LIMCH1: variants seen among roughly 807,000 people sequenced by gnomAD.
LIMCH1 encodes the protein LIM and calponin homology domains-containing protein 1.
LIMCH1 carries 113 observed loss-of-function variants against 176.5 expected under a neutral mutation model. The observed-to-expected ratio is 0.64, with a 90% CI of 0.55 to 0.75. LIMCH1 has a LOEUF of 0.75. Ranked by LOEUF, LIMCH1 falls within the 30% of genes least tolerant of loss-of-function variation. The pLI, the probability that LIMCH1 is intolerant of heterozygous loss-of-function variation, is 0.00. For missense variants in LIMCH1, 1,674 were observed against 1,814.9 expected (o/e 0.92, Z 1.41); for synonymous variants, 619 against 645.9 (o/e 0.96, Z 0.63).
Position 41,644,503 on chromosome 4 carries a change from C to T in LIMCH1, c.2130C>T (p.Ser710=). 1 of 1,562,098 alleles carries T rather than the reference C, an allele frequency of 6.4e-7. No homozygotes were observed. The highest frequency in any genetic ancestry group is 8.7e-7 in the Non-Finnish European group (1 of 1,154,146). The change falls in exon 15 of 32, where the codon AGC becomes AGT. Residue 710 remains serine (S), a synonymous_variant. Transcript: ENST00000503057. ...TGTTCGCTCTCTCCACACTCAGGAG[C>T]ACCAGCATGTTTGACATGCGGTGTG... ...PRTPVSDDAE[S]TSMFDMRCEE...
chr4:41,510,987 A>G (rs1239697651), intron 2 of LIMCH1, among the ~76,000 whole-genome samples: 1 of 152,230 alleles, frequency 6.6e-6, no homozygotes, highest in Non-Finnish European at 1.5e-5. Context: ...AAGACTGTAT[A>G]TCTGAGTGAT....
intron 7 of LIMCH1, among the ~76,000 whole-genome samples, chr4:41,622,514 G>C (rs1207166357): frequency 3.9e-5 from 6 of 152,246 alleles, no homozygotes; most frequent in African/African-American, 1.4e-4. Flanking sequence ...CAGCAAAGGG[G>C]GATGAAGGGG....
chr4:41,412,449 G>A (rs1176106971), intron 1 of LIMCH1, among the ~76,000 whole-genome samples: 2 of 151,982 alleles, frequency 1.3e-5, no homozygotes, highest in Non-Finnish European at 2.9e-5. Flanking sequence ...GGTTACTTAA[G>A]GATACTAAGT....
chr4:41,624,721 G>A (rs1282504347), intron 7 of LIMCH1, among the ~76,000 whole-genome samples: 2 of 151,978 alleles, frequency 1.3e-5, no homozygotes, highest in African/African-American at 4.8e-5. Flanking sequence ...ATCTGACCTG[G>A]TTGCTTATGC....
At chr4:41,425,723 CAATT>C (rs1421936220) in intron 1 of LIMCH1, among the ~76,000 whole-genome samples, 2 of 152,178 alleles carry the variant, frequency 1.3e-5, no homozygotes, top group East Asian at 3.9e-4. Flanking sequence ...TCTTTTTAAT[CAATT>C]GTGTTCACTT....
At chr4:41,585,517 T>G (rs981562607) in intron 1 of LIMCH1, among the ~76,000 whole-genome samples, 1 of 152,226 alleles carries the variant, frequency 6.6e-6, no homozygotes, top group African/African-American at 2.4e-5. Context: ...AGTGTCTATT[T>G]GAGTTTCTGC....
chr4:41,664,050 A>G (rs1002845863), intron 20 of LIMCH1, among the ~76,000 whole-genome samples: 4 of 151,330 alleles, frequency 2.6e-5, no homozygotes, highest in African/African-American at 9.7e-5. Context: ...AAAAACAAAC[A>G]AACAAAACAA....
intron 24 of LIMCH1, 102 bp downstream of exon 24, chr4:41,680,200 TGA>T: frequency 1.3e-6 from 1 of 775,064 alleles, no homozygotes; most frequent in South Asian, 1.7e-5. Flanking sequence ...TGGCTGTGTC[TGA>T]CTCTTTACTG....
intron 1 of LIMCH1, among the ~76,000 whole-genome samples, chr4:41,555,003 G>T (rs1357224032): frequency 6.6e-6 from 1 of 152,162 alleles, no homozygotes; most frequent in Non-Finnish European, 1.5e-5. Flanking sequence ...TTGTTGCCAT[G>T]GAGTCTTCTC....
chr4:41,419,556 C>G (rs1428753176), intron 1 of LIMCH1, among the ~76,000 whole-genome samples: 1 of 147,954 alleles, frequency 6.8e-6, no homozygotes, highest in East Asian at 2.0e-4. Flanking sequence ...TCTTCCTTTC[C>G]TTTCCCCTTC....
rs1359447884 is a variant in LIMCH1, at chr4:41,391,091, A to G, written c.96+30155A>G. ...TGATTAAACACATTTAATAGAATAA[A>G]GGCCACTACCCAGTTGCAACAAATC... On this transcript the variant is annotated intron_variant, in intron 1 of 26. Transcript: ENST00000313860. 2.6e-5 allele frequency among the ~76,000 whole-genome samples: 4 copies of G among 152,240 alleles called. No individual in the cohort carries two copies. The East Asian group carries it at 7.7e-4, about 29-fold the overall frequency.
At chr4:41,636,500 G>C (rs2093600295) in intron 13 of LIMCH1, among the ~76,000 whole-genome samples, 1 of 152,008 alleles carries the variant, frequency 6.6e-6, no homozygotes, top group Non-Finnish European at 1.5e-5. Flanking sequence ...ACAAGTCTCA[G>C]AGGAAATTCC....
chr4:41,386,216 G>GCTATTCCAGGGCTTCTGTTACC (rs2056472891), intron 1 of LIMCH1, among the ~76,000 whole-genome samples: 1 of 150,076 alleles, frequency 6.7e-6, no homozygotes, highest in South Asian at 2.1e-4. Flanking sequence ...GTAAATGGTT[G>GCTATTCCAGGGCTTCTGTTACC]CTATTCCAGG....
At chr4:41,475,666 G>A (rs2067613529) in intron 1 of LIMCH1, among the ~76,000 whole-genome samples, 1 of 152,088 alleles carries the variant, frequency 6.6e-6, no homozygotes, top group Non-Finnish European at 1.5e-5. Context: ...TGAACAGTGA[G>A]GACACATGGA....
chr4:41,678,729 C>CGTGT (rs68172613), intron 23 of LIMCH1, among the ~76,000 whole-genome samples: 9 of 150,008 alleles, frequency 6.0e-5, no homozygotes, highest in Admixed American at 5.3e-4. Flanking sequence ...AGAGAGAGAT[C>CGTGT]GTGTGTGTGT....
chr4:41,430,761 T>C (rs563348557), intron 1 of LIMCH1, among the ~76,000 whole-genome samples: 20 of 152,356 alleles, frequency 1.3e-4, no homozygotes, highest in South Asian at 1.2e-3. Context: ...AAAGACATCA[T>C]TTTTGTGGTT....
intron 1 of LIMCH1, among the ~76,000 whole-genome samples, chr4:41,583,309 C>G (rs2152690727): frequency 6.6e-6 from 1 of 152,270 alleles, no homozygotes; most frequent in East Asian, 1.9e-4. Flanking sequence ...TGGTGGCTCT[C>G]AACATTCCTT....
chr4:41,579,545 C>T (rs942635859), intron 1 of LIMCH1, among the ~76,000 whole-genome samples: 3 of 152,202 alleles, frequency 2.0e-5, no homozygotes, highest in African/African-American at 7.2e-5. Flanking sequence ...TACAGACGGT[C>T]ATCGTTAATG....
intron 31 of LIMCH1, among the ~76,000 whole-genome samples, chr4:41,694,759 C>G (rs1729143273): frequency 6.6e-6 from 1 of 151,252 alleles, no homozygotes; most frequent in Admixed American, 6.6e-5. Context: ...AGGATAGATT[C>G]TGAGCAGTAG....
Sources: gnomAD v4.1 joint callset for allele counts (sites outside exome capture counted in the v4.1 genomes callset) on GRCh38, gnomAD v4.1.1 for gene constraint, MANE v1.5 for transcripts, NCBI Gene and HGNC (gene_info 2026-07-23, HGNC 2026-07-21) for gene names.